MICU1: variants seen among roughly 807,000 people sequenced by gnomAD.
MICU1 encodes mitochondrial calcium uptake 1.
Under a neutral mutation model 56.8 loss-of-function variants are expected in MICU1, and 45 were observed. The ratio of observed to expected loss-of-function variants is 0.79; its 90% CI spans 0.62 to 1.02. MICU1 has a LOEUF of 1.02. Among genes scored for constraint, MICU1 ranks in the 50% least tolerant of loss-of-function variants. MICU1 has a pLI of 0.00. For synonymous variants in MICU1, 186 were observed against 195.1 expected (o/e 0.95, Z 0.39); for missense variants, 504 against 587.1 (o/e 0.86, Z 1.46).
intron 6 of MICU1, among the ~76,000 whole-genome samples, chr10:72,489,789 A>T (rs1866594183): frequency 6.6e-6 from 1 of 152,198 alleles, no homozygotes; most frequent in Admixed American, 6.5e-5. Flanking sequence ...TTGTTAAATT[A>T]AATGATTACT....
rs1863413938 is a variant in MICU1, at chr10:72,400,456, T to C, written c.1180+7473A>G. Among the ~76,000 whole-genome samples, 3 of 152,014 alleles carry C rather than the reference T, an allele frequency of 2.0e-5. No homozygotes were observed. In the South Asian group the frequency reaches 6.2e-4, roughly 31 times the overall value. On this transcript the variant is annotated intron_variant, in intron 10 of 11. Transcript: ENST00000361114. The stretch of plus-strand genomic sequence containing the variant: ...TTATTAATTTTGTTTTTATAGTAAA[T>C]GATGACTGGCCGGGCGTGGTGGCTC...
intron 2 of MICU1, among the ~76,000 whole-genome samples, chr10:72,565,965 C>T (rs965556945): frequency 6.6e-6 from 1 of 151,016 alleles, no homozygotes; most frequent in Non-Finnish European, 1.5e-5. Context: ...TTATCAGGGA[C>T]ACTAAAGTAC....
At chr10:72,523,897 A>G (rs1211102681) in intron 5 of MICU1, 1 of 1,514,794 alleles carries the variant, frequency 6.6e-7, no homozygotes, top group Admixed American at 2.1e-5. Flanking sequence ...TCCAAATTAA[A>G]GTCATTGATT....
At chr10:72,552,634 C>A (rs1840062419) in intron 3 of MICU1, among the ~76,000 whole-genome samples, 1 of 152,128 alleles carries the variant, frequency 6.6e-6, no homozygotes, top group Admixed American at 6.5e-5. Context: ...CGGCTCACTG[C>A]AACCTTCGCC....
chr10:72,566,003 T>C (rs957181919), intron 2 of MICU1, among the ~76,000 whole-genome samples: 74 of 150,632 alleles, frequency 4.9e-4, no homozygotes, highest in African/African-American at 1.8e-3. Flanking sequence ...TTTCACAGGG[T>C]CACCAAATTG....
At chr10:72,368,470 A>G in intron 11 of MICU1, 115 bp from the exon 12 acceptor site, 1 of 1,118,812 alleles carries the variant, frequency 8.9e-7, no homozygotes, top group Non-Finnish European at 1.3e-6. Context: ...CTCCACAGCC[A>G]AACTCAATTC....
intron 6 of MICU1, among the ~76,000 whole-genome samples, chr10:72,492,859 G>A (rs1299954802): frequency 2.7e-5 from 4 of 150,088 alleles, no homozygotes; most frequent in Non-Finnish European, 5.9e-5. Context: ...GCTCACGCCT[G>A]TAATCCCAAC....
intron 6 of MICU1, among the ~76,000 whole-genome samples, chr10:72,504,379 G>A (rs889007683): frequency 6.6e-6 from 1 of 151,974 alleles, no homozygotes; most frequent in African/African-American, 2.4e-5. Flanking sequence ...AATGGAGAAA[G>A]GACTCCCTAT....
At chr10:72,475,708 A>T (rs144631041) in intron 7 of MICU1, among the ~76,000 whole-genome samples, 2 of 151,998 alleles carry the variant, frequency 1.3e-5, no homozygotes, top group African/African-American at 4.8e-5. Context: ...GGATTGCAGG[A>T]GTGAGCCACC....
chr10:72,456,849 T>G (rs1039410392), intron 8 of MICU1, among the ~76,000 whole-genome samples: 3 of 134,548 alleles, frequency 2.2e-5, no homozygotes, highest in Non-Finnish European at 4.7e-5. Flanking sequence ...CGGGCTCATT[T>G]TGTGTGTGTG....
chr10:72,391,918 G>A (rs752535320), intron 10 of MICU1: 1 of 152,020 alleles, frequency 6.6e-6, no homozygotes, highest in Non-Finnish European at 1.5e-5. Flanking sequence ...AACTGTGTGG[G>A]GTGAAAACAG....
chr10:72,407,601 C>T (rs1488844273), intron 10 of MICU1, among the ~76,000 whole-genome samples: 2 of 152,172 alleles, frequency 1.3e-5, no homozygotes, highest in Non-Finnish European at 2.9e-5. Context: ...GTGACTTTAG[C>T]TTCACATTGT....
Position 72,421,264 on chromosome 10 carries a change from C to CT in MICU1, c.1071+1969dup, listed in dbSNP as rs570698452. On this transcript the variant is annotated intron_variant, in intron 9 of 11. Coordinates refer to ENST00000361114, the MANE Select transcript of MICU1 (RefSeq NM_001195518.2). Reference sequence around the variant, plus strand: ...TTTCTTTCTTTCTTTTTTTCTTTATCTTTTTTTTTGAGATAGAGTTTCGTT... The same window carrying CT: ...TTTCTTTCTTTCTTTTTTTCTTTATCTTTTTTTTTTGAGATAGAGTTTCGTT... Among the ~76,000 whole-genome samples the CT allele has an allele frequency of 6.2e-3, 926 of 149,880 alleles. 8 individuals carry two copies. The highest frequency in any genetic ancestry group is 0.021 in the African/African-American group (879 of 40,916).
chr10:72,504,216 A>G (rs1225561328), intron 6 of MICU1, among the ~76,000 whole-genome samples: 1 of 152,154 alleles, frequency 6.6e-6, no homozygotes, highest in Non-Finnish European at 1.5e-5. Flanking sequence ...GAGGTATCAC[A>G]TTACAAACTA....
intron 10 of MICU1, among the ~76,000 whole-genome samples, chr10:72,399,118 A>G (rs922622322): frequency 6.6e-6 from 1 of 152,222 alleles, no homozygotes; most frequent in African/African-American, 2.4e-5. Flanking sequence ...CTTCATCCCT[A>G]GGATGCAAGG....
intron 5 of MICU1, among the ~76,000 whole-genome samples, chr10:72,513,202 C>T (rs1003880393): frequency 6.6e-6 from 1 of 152,114 alleles, no homozygotes; most frequent in Non-Finnish European, 1.5e-5. Flanking sequence ...TTCTCCACAC[C>T]CTCACCAATA....
chr10:72,416,370 T>C (rs917335286), intron 9 of MICU1, among the ~76,000 whole-genome samples: 5 of 152,200 alleles, frequency 3.3e-5, no homozygotes. Flanking sequence ...TCACACGCTA[T>C]ACTACATAGT....
intron 5 of MICU1, among the ~76,000 whole-genome samples, chr10:72,516,712 T>C (rs1267149363): frequency 1.3e-5 from 2 of 152,176 alleles, no homozygotes; most frequent in Non-Finnish European, 2.9e-5. Context: ...CATTGCTTGT[T>C]TTTGTCAGGT....
At chr10:72,374,525 G>C (rs183532478) in intron 11 of MICU1, among the ~76,000 whole-genome samples, 13 of 152,154 alleles carry the variant, frequency 8.5e-5, no homozygotes, top group African/African-American at 3.1e-4. Context: ...AGGTCCTATG[G>C]GGGGTAGGAA....
Sources: allele counts gnomAD v4.1 joint callset (sites outside exome capture counted in the v4.1 genomes callset), GRCh38; gene constraint gnomAD v4.1.1; transcripts MANE v1.5; gene names NCBI Gene and HGNC (gene_info 2026-07-23, HGNC 2026-07-21).